Variants in MKLN1 observed in about 807,000 individuals in gnomAD.
MKLN1 encodes muskelin 1.
A neutral mutation model predicts 99.0 loss-of-function variants in MKLN1; 18 were observed. The observed-to-expected ratio is 0.18, with a 90% CI of 0.13 to 0.27. The LOEUF (loss-of-function observed/expected upper bound fraction) is 0.27. Ranked by LOEUF, MKLN1 falls within the 10% of genes least tolerant of loss-of-function variation. The pLI is 1.00. For synonymous variants in MKLN1, 288 were observed against 293.2 expected (o/e 0.98, Z 0.18); for missense variants, 621 against 875.9 (o/e 0.71, Z 3.67).
chr7:131,163,657 C>T (rs886931846), intron 2 of MKLN1, among the ~76,000 whole-genome samples: 1 of 152,126 alleles, frequency 6.6e-6, no homozygotes, highest in Non-Finnish European at 1.5e-5. Flanking sequence ...AGGAGAGAAA[C>T]CATTCTCTGA....
intron 3 of MKLN1, among the ~76,000 whole-genome samples, chr7:131,283,347 T>TC (rs761059668): frequency 0.027 from 394 of 14,604 alleles, 11 homozygotes; most frequent in Non-Finnish European, 0.036. Flanking sequence ...TCCCTTCCCC[T>TC]CCTTCCTTCC....
At chr7:131,305,808 G>A (rs530265809) in intron 3 of MKLN1, among the ~76,000 whole-genome samples, 1 of 152,148 alleles carries the variant, frequency 6.6e-6, no homozygotes, top group African/African-American at 2.4e-5. Context: ...TATGTTGCAA[G>A]GAAAAGAGAG....
intron 1 of MKLN1, among the ~76,000 whole-genome samples, chr7:131,118,968 C>G (rs1032043696): frequency 6.6e-6 from 1 of 152,182 alleles, no homozygotes; most frequent in Non-Finnish European, 1.5e-5. Context: ...CATTTCATGT[C>G]CTTCTCACAT....
intron 3 of MKLN1, among the ~76,000 whole-genome samples, chr7:131,203,637 G>A (rs1475590756): frequency 1.3e-5 from 2 of 152,128 alleles, no homozygotes; most frequent in African/African-American, 4.8e-5. Flanking sequence ...CAACTGATTG[G>A]GCCAGAAAAT....
intron 1 of MKLN1, among the ~76,000 whole-genome samples, chr7:131,344,439 A>G (rs564567265): frequency 6.6e-6 from 1 of 152,262 alleles, no homozygotes; most frequent in East Asian, 1.9e-4. Flanking sequence ...CTATGGTTTA[A>G]AATTAAAAAT....
chr7:131,454,366 TTGTTGAG>T (rs1796273846), intron 12 of MKLN1, among the ~76,000 whole-genome samples: 1 of 152,170 alleles, frequency 6.6e-6, no homozygotes, highest in Admixed American at 6.5e-5. Flanking sequence ...TCAGTAAATA[TTGTTGAG>T]TGTCAAAAGC....
chr7:131,215,859 G>A (rs17813961), intron 3 of MKLN1, among the ~76,000 whole-genome samples: 31,246 of 151,808 alleles, frequency 0.21, 3,463 homozygotes, highest in Non-Finnish European at 0.25. Context: ...TACCACATGC[G>A]GTCAGCTTAT....
intron 11 of MKLN1, among the ~76,000 whole-genome samples, chr7:131,445,311 T>G (rs961995923): frequency 3.3e-5 from 5 of 152,160 alleles, no homozygotes; most frequent in Admixed American, 2.6e-4. Flanking sequence ...GTATTATTTT[T>G]GGAGAGGTCT....
At chr7:131,174,085 G>A (rs986528972) in intron 2 of MKLN1, among the ~76,000 whole-genome samples, 10 of 145,952 alleles carry the variant, frequency 6.9e-5, no homozygotes, top group African/African-American at 1.5e-4. Flanking sequence ...CCATTCTCCC[G>A]CCTCAGCCTC....
At chr7:131,254,048 T>G (rs930712082) in intron 3 of MKLN1, among the ~76,000 whole-genome samples, 1 of 152,126 alleles carries the variant, frequency 6.6e-6, no homozygotes, top group Non-Finnish European at 1.5e-5. Context: ...AACAATAGAA[T>G]GACCAGCAAC....
chr7:131,268,876 C>A (rs1797846232), intron 3 of MKLN1, among the ~76,000 whole-genome samples: 1 of 152,118 alleles, frequency 6.6e-6, no homozygotes, highest in South Asian at 2.1e-4. Flanking sequence ...ATTTAATGAC[C>A]AAACCTACCA....
intron 9 of MKLN1, among the ~76,000 whole-genome samples, chr7:131,435,983 T>C (rs1198929475): frequency 1.3e-5 from 2 of 152,172 alleles, no homozygotes; most frequent in East Asian, 3.8e-4. Flanking sequence ...ATTCTCTTAT[T>C]AAAATTTCAA....
chr7:131,265,050 G>A (rs1378652145), intron 3 of MKLN1, among the ~76,000 whole-genome samples: 1 of 152,146 alleles, frequency 6.6e-6, no homozygotes, highest in African/African-American at 2.4e-5. Flanking sequence ...CATGTGGCCA[G>A]GCTGGCCTTG....
intron 3 of MKLN1, among the ~76,000 whole-genome samples, chr7:131,273,780 T>C (rs1326255980): frequency 6.6e-6 from 1 of 151,886 alleles, no homozygotes; most frequent in African/African-American, 2.4e-5. Flanking sequence ...TGTGCCACCA[T>C]GTCTTGCTAA....
intron 3 of MKLN1, among the ~76,000 whole-genome samples, chr7:131,280,741 C>T (rs142720452): frequency 1.6e-3 from 243 of 151,972 alleles, no homozygotes; most frequent in African/African-American, 5.0e-3. Flanking sequence ...CTCCACCTTC[C>T]GGGTTAATGC....
intron 3 of MKLN1, among the ~76,000 whole-genome samples, chr7:131,275,534 GATATATATAT>G (rs1166104066): frequency 1.8e-3 from 25 of 14,266 alleles, no homozygotes; most frequent in Admixed American, 3.0e-3. Flanking sequence ...ACGCCCAGCT[GATATATATAT>G]ATATATATAT....
intron 2 of MKLN1, among the ~76,000 whole-genome samples, chr7:131,192,342 A>AAT (rs1231051333): frequency 9.2e-6 from 1 of 108,664 alleles, no homozygotes; most frequent in Non-Finnish European, 1.7e-5. Flanking sequence ...AAATATATAA[A>AAT]ATATAATATA....
rs541782282 is a variant in MKLN1, at chr7:131,475,998, C to T, written c.2032-2625C>T. 3.6e-3 allele frequency among the ~76,000 whole-genome samples: 553 copies of T among 151,826 alleles called. 4 individuals carry two copies. The highest frequency in any genetic ancestry group is 0.01 in the Middle Eastern group (3 of 294). Reference sequence around the variant, plus strand: ...TTCTAGGAATATATGGCTAGTTTAACATTTGAAAAAAAATTCAGTGTAATT... The same window carrying T: ...TTCTAGGAATATATGGCTAGTTTAATATTTGAAAAAAAATTCAGTGTAATT... On this transcript the variant is annotated intron_variant, in intron 16 of 17. Coordinates refer to ENST00000352689, the MANE Select transcript of MKLN1 (RefSeq NM_013255.5).
chr7:131,369,839 T>TTTG (rs926811825), intron 1 of MKLN1, among the ~76,000 whole-genome samples: 4 of 152,140 alleles, frequency 2.6e-5, no homozygotes, highest in African/African-American at 7.2e-5. Context: ...GAGATTACTT[T>TTTG]TTGTTGTTGT....
Sources: allele counts gnomAD v4.1 joint callset (sites outside exome capture counted in the v4.1 genomes callset), GRCh38; gene constraint gnomAD v4.1.1; transcripts MANE v1.5; gene names NCBI Gene and HGNC (gene_info 2026-07-23, HGNC 2026-07-21).